Variants in PTPRK observed in about 807,000 individuals in gnomAD.
The protein encoded by PTPRK is protein tyrosine phosphatase receptor type K, also known as receptor-type tyrosine-protein phosphatase kappa.
A neutral mutation model predicts 178.0 loss-of-function variants in PTPRK; 75 were observed. The ratio of observed to expected loss-of-function variants is 0.42; its 90% confidence interval spans 0.35 to 0.51. The LOEUF (loss-of-function observed/expected upper bound fraction) is 0.51. Among genes scored for constraint, PTPRK ranks in the 20% least tolerant of loss-of-function variants. The probability of loss-of-function intolerance (pLI) is 0.02; values close to 1 mark genes in which losing one functional copy is unlikely to be tolerated. For synonymous variants in PTPRK, 637 were observed against 620.6 expected, an observed-to-expected ratio of 1.03 and a Z score of -0.39; for missense variants, 1,441 against 1,797.8, an observed-to-expected ratio of 0.80 and a Z score of 3.59.
chr6:128,315,129 C>T (rs964148108), intron 3 of PTPRK, among the ~76,000 whole-genome samples: 1 of 152,002 alleles, frequency 6.6e-6, no homozygotes, highest in African/African-American at 2.4e-5. Flanking sequence ...AGTTTACAAC[C>T]AAACCAAAAG....
chr6:128,413,666 G>T (rs1027498995), intron 1 of PTPRK, among the ~76,000 whole-genome samples: 1 of 152,136 alleles, frequency 6.6e-6, no homozygotes, highest in African/African-American at 2.4e-5. Context: ...CCTATTGAAT[G>T]TAACATAACC....
chr6:128,173,597 G>A (rs1313233869), intron 7 of PTPRK, among the ~76,000 whole-genome samples: 1 of 151,920 alleles, frequency 6.6e-6, no homozygotes, highest in Non-Finnish European at 1.5e-5. Context: ...TAAGCACAGA[G>A]ATTTGCCTTC....
At chr6:127,970,754 T>A (rs1773814363) in intron 29 of PTPRK, among the ~76,000 whole-genome samples, 1 of 152,102 alleles carries the variant, frequency 6.6e-6, no homozygotes, top group African/African-American at 2.4e-5. Context: ...TATGTATATT[T>A]CAAAATATAA....
At chr6:128,287,326 C>A (rs1224435913) in intron 3 of PTPRK, among the ~76,000 whole-genome samples, 2 of 152,212 alleles carry the variant, frequency 1.3e-5, no homozygotes, top group Admixed American at 1.3e-4. Context: ...AACTCTTGCT[C>A]AGAAAGACAA....
chr6:128,026,611 C>A (rs1774352235), intron 13 of PTPRK, among the ~76,000 whole-genome samples: 1 of 152,072 alleles, frequency 6.6e-6, no homozygotes, highest in South Asian at 2.1e-4. Context: ...ACTTAATATA[C>A]AATTACTGGT....
chr6:128,205,718 C>A (rs1583475419), intron 6 of PTPRK, among the ~76,000 whole-genome samples: 1 of 140,050 alleles, frequency 7.1e-6, no homozygotes, highest in South Asian at 2.2e-4. Flanking sequence ...TTCTAGTGAG[C>A]CAAGATTGTG....
chr6:128,041,567 G>A (rs559410017), intron 13 of PTPRK, among the ~76,000 whole-genome samples: 1 of 151,952 alleles, frequency 6.6e-6, no homozygotes, highest in Admixed American at 6.6e-5. Flanking sequence ...CCATAATACT[G>A]CAATAAAACT....
chr6:128,300,088 A>G (rs1229066575), intron 3 of PTPRK, among the ~76,000 whole-genome samples: 1 of 152,256 alleles, frequency 6.6e-6, no homozygotes, highest in South Asian at 2.1e-4. Flanking sequence ...TTCTCAAAAG[A>G]AGACATTTAT....
chr6:128,275,419 C>T (rs2128299411), intron 3 of PTPRK, among the ~76,000 whole-genome samples: 1 of 152,162 alleles, frequency 6.6e-6, no homozygotes, highest in South Asian at 2.1e-4. Flanking sequence ...AACCGGCAAA[C>T]TCCATAATGT....
chr6:127,984,308 G>A (rs561971476), intron 22 of PTPRK, among the ~76,000 whole-genome samples: 10 of 152,244 alleles, frequency 6.6e-5, no homozygotes, highest in African/African-American at 2.4e-4. Context: ...TCCTACAGTG[G>A]TACAGAACAC....
At chr6:128,161,006 C>T (rs1347835351) in intron 7 of PTPRK, among the ~76,000 whole-genome samples, 2 of 151,388 alleles carry the variant, frequency 1.3e-5, no homozygotes, top group Non-Finnish European at 3.0e-5. Flanking sequence ...ATTTATAAGC[C>T]TTAAGGAGAG....
intron 13 of PTPRK, among the ~76,000 whole-genome samples, chr6:128,046,016 A>G (rs1326439015): frequency 6.6e-6 from 1 of 152,168 alleles, no homozygotes; most frequent in African/African-American, 2.4e-5. Flanking sequence ...TTATATTGAA[A>G]CAAAAAAGAA....
intron 2 of PTPRK, among the ~76,000 whole-genome samples, chr6:128,360,446 C>T (rs1344075289): frequency 1.3e-5 from 2 of 152,032 alleles, no homozygotes; most frequent in Non-Finnish European, 2.9e-5. Context: ...CAACTAGAGC[C>T]AAAAAGTAGT....
At chr6:128,165,631 C>T (rs1799291573) in intron 7 of PTPRK, among the ~76,000 whole-genome samples, 1 of 150,750 alleles carries the variant, frequency 6.6e-6, no homozygotes, top group Non-Finnish European at 1.5e-5. Context: ...AAAATAGACC[C>T]AAAAGGTACA....
rs943095871 is a variant in PTPRK, at chr6:127,981,750, A to T, written c.3538-461T>A. ...CTTGATTTTATTTTCACCCACCTTC[A>T]GGGGTGTTTTAAGGGCAGTGAAAAC... On this transcript the variant is annotated intron_variant, in intron 24 of 29. Coordinates refer to ENST00000368226, the MANE Select transcript of PTPRK (RefSeq NM_002844.4). 2.6e-5 allele frequency among the ~76,000 whole-genome samples: 4 copies of T among 152,200 alleles called. 1 individual carries two copies. The South Asian group carries it at 8.3e-4, about 32-fold the overall frequency.
chr6:128,345,215 C>T (rs1397500544), intron 2 of PTPRK, among the ~76,000 whole-genome samples: 1 of 152,084 alleles, frequency 6.6e-6, no homozygotes, highest in Non-Finnish European at 1.5e-5. Flanking sequence ...AGGGAGTCTT[C>T]AGTGAATGCT....
intron 3 of PTPRK, among the ~76,000 whole-genome samples, chr6:128,264,864 C>A (rs759243007): frequency 6.6e-6 from 1 of 152,192 alleles, no homozygotes; most frequent in Middle Eastern, 3.4e-3. Context: ...ATAAATCTCA[C>A]GAGATCTGAT....
At chr6:128,479,797 A>C (rs1851826477) in intron 1 of PTPRK, among the ~76,000 whole-genome samples, 1 of 152,140 alleles carries the variant, frequency 6.6e-6, no homozygotes, top group African/African-American at 2.4e-5. Context: ...CTATTTTCCT[A>C]CTTGCTAGAA....
chr6:128,451,985 T>C (rs1847854141), intron 1 of PTPRK, among the ~76,000 whole-genome samples: 1 of 152,194 alleles, frequency 6.6e-6, no homozygotes, highest in Admixed American at 6.5e-5. Context: ...CCAAGCACCA[T>C]GTTTATTCTT....
Sources: gnomAD v4.1 joint callset for allele counts (sites outside exome capture counted in the v4.1 genomes callset) on GRCh38, gnomAD v4.1.1 for gene constraint, MANE v1.5 for transcripts, NCBI Gene and HGNC (gene_info 2026-07-23, HGNC 2026-07-21) for gene names.